The following XXYLT1 variants were observed in gnomAD, a reference collection of about 807,000 sequenced individuals.
XXYLT1 encodes the protein xyloside xylosyltransferase 1.
Under a neutral mutation model 28.9 loss-of-function variants are expected in XXYLT1, and 20 were observed. That is an observed-to-expected ratio of 0.69 (90% CI 0.49 to 1.00). The LOEUF (loss-of-function observed/expected upper bound fraction) is 1.00. Among genes scored for constraint, XXYLT1 ranks in the 50% least tolerant of loss-of-function variants. The pLI, the probability that XXYLT1 is intolerant of heterozygous loss-of-function variation, is 0.00. For missense variants in XXYLT1, 542 were observed against 560.1 expected, an observed-to-expected ratio of 0.97 and a Z score of 0.33; for synonymous variants, 257 against 253.8, an observed-to-expected ratio of 1.01 and a Z score of -0.12.
chr3:195,153,345 G>A (rs143981528), intron 3 of XXYLT1, among the ~76,000 whole-genome samples: 6 of 152,286 alleles, frequency 3.9e-5, no homozygotes, highest in African/African-American at 9.6e-5. Context: ...GACTGCAAAC[G>A]TTACAAGGCA....
rs1722603931 is a variant in XXYLT1 at position 195,195,852 on chromosome 3, G to A, written c.652+30857C>T. On this transcript the variant is annotated intron_variant, in intron 2 of 3. Transcript: ENST00000310380. The surrounding 1 kb of genome is among the most constrained non-coding windows in gnomAD (Gnocchi z 4.4). ...GGTCTAGACACAGTCCTGTTGCATT[G>A]AAGTATCCAATGAGCTCCAGTGAGC... Among the ~76,000 whole-genome samples, 1 of 152,200 alleles carries A rather than the reference G, an allele frequency of 6.6e-6. No individual in the cohort carries two copies. The highest frequency in any genetic ancestry group is 6.5e-5 in the Admixed American group (1 of 15,278).
intron 2 of XXYLT1, among the ~76,000 whole-genome samples, chr3:195,192,108 A>T (rs375094258): frequency 6.6e-6 from 1 of 152,240 alleles, no homozygotes; most frequent in African/African-American, 2.4e-5. Flanking sequence ...ATACTAGGCC[A>T]CAAAACAAGT....
At chr3:195,196,696 T>C (rs1722639165) in intron 2 of XXYLT1, among the ~76,000 whole-genome samples, 1 of 152,096 alleles carries the variant, frequency 6.6e-6, no homozygotes, top group Non-Finnish European at 1.5e-5. Context: ...GGATGCAAAC[T>C]CAGGAGACCC....
intron 2 of XXYLT1, among the ~76,000 whole-genome samples, chr3:195,172,544 C>T (rs1305975064): frequency 6.6e-6 from 1 of 152,196 alleles, no homozygotes; most frequent in African/African-American, 2.4e-5. Context: ...AATCATTCAA[C>T]GAATATTTAT....
rs146905957 is a variant in XXYLT1, at chr3:195,069,220, C to A, written c.*495G>T. On this transcript the variant is annotated 3_prime_UTR_variant, in exon 4 of 4. Transcript: ENST00000310380. ...GGTGAGTATGTGATGGGCTGGCATT[C>A]GTTTGGAAGCTTAGATACTGGGCTG... 233 of 155,224 alleles carry A rather than the reference C, an allele frequency of 1.5e-3. 1 individual carries two copies. The highest frequency in any genetic ancestry group is 4.2e-3 in the South Asian group (21 of 5,024). The allele number at this position is 155,224 out of a possible 1,614,324, so 9.6% of individuals were successfully genotyped here.
chr3:195,269,484 G>A (rs1382523161), intron 1 of XXYLT1, among the ~76,000 whole-genome samples: 5 of 152,220 alleles, frequency 3.3e-5, no homozygotes, highest in African/African-American at 9.7e-5. Flanking sequence ...ACATAGCTAA[G>A]GTATGAGGTG....
intron 3 of XXYLT1, among the ~76,000 whole-genome samples, chr3:195,072,161 G>A (rs1267543681): frequency 6.6e-6 from 1 of 152,170 alleles, no homozygotes; most frequent in African/African-American, 2.4e-5. Context: ...TGGAAAGGCA[G>A]GCGTGGGGTG....
At chr3:195,175,722 C>G (rs1560135383) in intron 2 of XXYLT1, 3 of 1,535,864 alleles carry the variant, frequency 2.0e-6, no homozygotes, top group Non-Finnish European at 2.6e-6. Context: ...GTGTGCAACT[C>G]TGGACTGTAG....
intron 2 of XXYLT1, chr3:195,175,995 T>A: frequency 1.0e-6 from 1 of 1,003,536 alleles, no homozygotes; most frequent in Non-Finnish European, 1.3e-6. Context: ...CATCAGTGTA[T>A]ACGTAGCAGC....
chr3:195,246,650 A>C (rs929690665), intron 1 of XXYLT1, among the ~76,000 whole-genome samples: 1 of 152,242 alleles, frequency 6.6e-6, no homozygotes, highest in African/African-American at 2.4e-5. Flanking sequence ...CTGATGAGGA[A>C]TAAACCACAA....
chr3:195,200,517 T>C (rs1216273698), intron 2 of XXYLT1, among the ~76,000 whole-genome samples: 1 of 152,208 alleles, frequency 6.6e-6, no homozygotes, highest in East Asian at 1.9e-4. Context: ...CTAAAAGACA[T>C]GCAACAGGAC....
At chr3:195,266,003 A>G (rs551996628) in intron 1 of XXYLT1, among the ~76,000 whole-genome samples, 64 of 152,348 alleles carry the variant, frequency 4.2e-4, no homozygotes, top group African/African-American at 1.5e-3. Context: ...CATGGAAGGG[A>G]TAAGTCTTGA....
chr3:195,161,633 GA>G lies in XXYLT1; in HGVS notation c.653-5053del, dbSNP rs1273159065. On this transcript the variant is annotated intron_variant, in intron 2 of 3. Coordinates refer to ENST00000310380, the MANE Select transcript of XXYLT1 (RefSeq NM_152531.5). The stretch of plus-strand genomic sequence containing the variant: ...ACTCTATGAGATATATAGATATATA[GA>G]TTTTTTTTTTTTTTTTTTGAGATGG... 1.4e-5 allele frequency among the ~76,000 whole-genome samples: 2 copies of G among 140,340 alleles called. 1 individual carries two copies. Among genetic ancestry groups the G allele is most frequent in the South Asian group, 5.0e-4 (2 of 3,986 alleles). 92.1% of individuals were successfully genotyped at this position (140,340 alleles called of 152,430 possible).
chr3:195,270,981 G>A lies in XXYLT1; in HGVS notation c.78C>T (p.Ala26=). 2.0e-6 allele frequency: 3 copies of A among 1,484,966 alleles called. No individual in the cohort carries two copies. Among genetic ancestry groups the A allele is most frequent in the Non-Finnish European group, 2.7e-6 (3 of 1,121,226 alleles). The allele number at this position is 1,484,966 out of a possible 1,614,324, so 92.0% of individuals were successfully genotyped here. The change falls in exon 1 of 4, where the codon GCC becomes GCT. Residue 26 remains alanine, a synonymous_variant. Transcript: ENST00000310380. ...RLGAVRSHYC[A]LLLAAALAVC... ...CGGCCAGCGCCGCGGCCAGCAGCAGGGCGCAGTAGTGGGAGCGCACAGCGC... is the reference window on the plus strand; with the variant it reads ...CGGCCAGCGCCGCGGCCAGCAGCAGAGCGCAGTAGTGGGAGCGCACAGCGC...
intron 1 of XXYLT1, among the ~76,000 whole-genome samples, chr3:195,250,042 G>A (rs1725190423): frequency 6.6e-6 from 1 of 152,104 alleles, no homozygotes; most frequent in Admixed American, 6.6e-5. Flanking sequence ...AGTCAAAGCT[G>A]GAATCCTCAC....
In XXYLT1 at chr3:195,069,929, T is replaced by C. The variant is rs1337784481; in HGVS notation, c.968A>G (p.His323Arg). Reference sequence around the variant, plus strand: ...CTGGTCCCCGAGGTGGCCGCGGAAGTGGTACTTGTCGGCCAGCTGCTGCAC... The same window carrying C: ...CTGGTCCCCGAGGTGGCCGCGGAAGCGGTACTTGTCGGCCAGCTGCTGCAC... ...AQVQQLADKYHFRGHLGDQDF... is the reference protein window; with the variant it reads ...AQVQQLADKYRFRGHLGDQDF... The change falls in exon 4 of 4, where the codon CAC (histidine) becomes CGC (arginine). Residue 323 changes from histidine (H) to arginine (R), a missense_variant. By Grantham distance (29) the His-to-Arg change is conservative. Transcript: ENST00000310380. 4 of 1,613,436 alleles carry C rather than the reference T, an allele frequency of 2.5e-6. No individual in the cohort carries two copies. Among genetic ancestry groups the C allele is most frequent in the Admixed American group, 1.7e-5 (1 of 60,028 alleles).
intron 2 of XXYLT1, among the ~76,000 whole-genome samples, chr3:195,197,441 T>TAA (rs59076636): frequency 0.02 from 2,157 of 106,134 alleles, 59 homozygotes; most frequent in African/African-American, 0.066. Context: ...AGTCTCAATT[T>TAA]AAAAAAAAAA....
At chr3:195,114,789 G>A (rs969136913) in intron 3 of XXYLT1, among the ~76,000 whole-genome samples, 1 of 152,208 alleles carries the variant, frequency 6.6e-6, no homozygotes, top group African/African-American at 2.4e-5. Context: ...AAAAGCAATC[G>A]CTTTTGGAGC....
At chr3:195,146,044 G>A (rs977317009) in intron 3 of XXYLT1, among the ~76,000 whole-genome samples, 16 of 152,174 alleles carry the variant, frequency 1.1e-4, no homozygotes, top group African/African-American at 3.6e-4. Context: ...TTCTATAAGA[G>A]CCAATTCTGC....
Sources: gnomAD v4.1 joint callset for allele counts (sites outside exome capture counted in the v4.1 genomes callset) on GRCh38, gnomAD v4.1.1 for gene constraint, Gnocchi (gnomAD v3.1) non-coding constraint, MANE v1.5 for transcripts, NCBI Gene and HGNC (gene_info 2026-07-23, HGNC 2026-07-21) for gene names.